The following FGF14 variants were observed in gnomAD, a reference collection of about 807,000 sequenced individuals.
FGF14 encodes the protein fibroblast growth factor homologous factor 4.
A neutral mutation model predicts 25.5 loss-of-function variants in FGF14; 5 were observed. That is an observed-to-expected ratio of 0.20 (90% CI 0.10 to 0.41). The LOEUF (loss-of-function observed/expected upper bound fraction) is 0.41, where lower values mean the gene tolerates loss of function less well. FGF14 is among the 10% of genes least tolerant of loss of function. The pLI, the probability that FGF14 is intolerant of heterozygous loss-of-function variation, is 1.00. For missense variants in FGF14, 222 were observed against 320.1 expected, an observed-to-expected ratio of 0.69 and a Z score of 2.34; for synonymous variants, 138 against 118.3, an observed-to-expected ratio of 1.17 and a Z score of -1.08.
intron 1 of FGF14, among the ~76,000 whole-genome samples, chr13:101,908,817 A>G (rs1357164822): frequency 6.6e-6 from 1 of 152,252 alleles, no homozygotes; most frequent in African/African-American, 2.4e-5. Context: ...AGCTGGAGGC[A>G]TCATGCTACC....
intron 1 of FGF14, among the ~76,000 whole-genome samples, chr13:102,345,704 C>T (rs573233977): frequency 3.1e-4 from 47 of 152,344 alleles, no homozygotes; most frequent in Admixed American, 9.2e-4. Context: ...GTTTACTAAA[C>T]ATGTATTAGA....
At chr13:102,210,664 C>T (rs1333319024) in intron 1 of FGF14, among the ~76,000 whole-genome samples, 4 of 152,042 alleles carry the variant, frequency 2.6e-5, no homozygotes, top group Non-Finnish European at 5.9e-5. Context: ...GAAACTATTG[C>T]CTATCCAGAA....
intron 1 of FGF14, among the ~76,000 whole-genome samples, chr13:101,964,242 T>TTA (rs2037045993): frequency 6.7e-6 from 1 of 150,140 alleles, no homozygotes; most frequent in African/African-American, 2.4e-5. Context: ...CAATGACTTT[T>TTA]TAGTTGTAAA....
intron 1 of FGF14, among the ~76,000 whole-genome samples, chr13:102,333,420 A>G (rs1263227799): frequency 6.6e-6 from 1 of 152,184 alleles, no homozygotes; most frequent in Non-Finnish European, 1.5e-5. Flanking sequence ...TCAACTTGTT[A>G]TTTGAAGATC....
intron 1 of FGF14, among the ~76,000 whole-genome samples, chr13:102,237,211 T>C (rs1462968171): frequency 6.6e-6 from 1 of 152,150 alleles, no homozygotes; most frequent in Non-Finnish European, 1.5e-5. Flanking sequence ...CCCACACACA[T>C]TTGCCGACAT....
intron 1 of FGF14, among the ~76,000 whole-genome samples, chr13:102,053,862 GT>G (rs1345757680): frequency 6.6e-6 from 1 of 152,006 alleles, no homozygotes; most frequent in African/African-American, 2.4e-5. Context: ...TGTTTCTTTT[GT>G]TTTTACTGAA....
At position 101,925,629 on chromosome 13, in the gene FGF14, C is replaced by T. The variant is rs1566445753; in HGVS notation, c.209-50333G>A. Among the ~76,000 whole-genome samples the T allele has an allele frequency of 2.6e-5, 4 of 152,250 alleles. No homozygotes were observed. In the South Asian group the frequency reaches 8.3e-4, roughly 32 times the overall value. ...GAAATGTTATAATTTTAAATTAATG[C>T]CTTATTCCTGAGCCTAGTTTCTACT... On this transcript the variant is annotated intron_variant, in intron 1 of 4. Coordinates refer to the FGF14 transcript ENST00000376131.
chr13:102,285,881 C>T (rs2054070106), intron 1 of FGF14, among the ~76,000 whole-genome samples: 1 of 152,082 alleles, frequency 6.6e-6, no homozygotes, highest in East Asian at 1.9e-4. Flanking sequence ...TACTTCAAGG[C>T]AAAGGGTTGC....
At chr13:102,284,963 C>T (rs2141232727) in intron 1 of FGF14, among the ~76,000 whole-genome samples, 1 of 152,086 alleles carries the variant, frequency 6.6e-6, no homozygotes, top group Non-Finnish European at 1.5e-5. Context: ...TTCTCTTTCT[C>T]ACCACTTTGA....
At chr13:102,157,699 TTAAAC>T (rs1180491302) in intron 1 of FGF14, among the ~76,000 whole-genome samples, 1 of 151,060 alleles carries the variant, frequency 6.6e-6, no homozygotes, top group Non-Finnish European at 1.5e-5. Flanking sequence ...AGCAAAAAAA[TTAAAC>T]TAAAGAGCTT....
chr13:101,918,046 G>T (rs1306999574), upstream of FGF14, among the ~76,000 whole-genome samples: 3 of 152,124 alleles, frequency 2.0e-5, no homozygotes, highest in Non-Finnish European at 2.9e-5. Context: ...CTCTGTCAGG[G>T]AGCAAAGCCA....
intron 1 of FGF14, among the ~76,000 whole-genome samples, chr13:102,340,729 G>C (rs953764590): frequency 3.3e-5 from 5 of 152,012 alleles, no homozygotes; most frequent in African/African-American, 1.2e-4. Context: ...AAATGCAAAG[G>C]GCTTCTTATT....
At chr13:101,820,120 C>T (rs910740402) in intron 3 of FGF14, among the ~76,000 whole-genome samples, 3 of 151,882 alleles carry the variant, frequency 2.0e-5, no homozygotes, top group African/African-American at 7.3e-5. Flanking sequence ...TCATTGGCCC[C>T]AAAGGATATA....
intron 1 of FGF14, among the ~76,000 whole-genome samples, chr13:102,350,067 T>C (rs777423933): frequency 1.3e-5 from 2 of 152,224 alleles, no homozygotes; most frequent in Non-Finnish European, 2.9e-5. Flanking sequence ...CACACACTTG[T>C]GAAAACATTC....
In FGF14 at chr13:101,715,371, C is replaced by T; in HGVS notation, c.*7460G>A. On this transcript the variant is annotated 3_prime_UTR_variant, in exon 5 of 5. Coordinates refer to ENST00000376143, the MANE Select transcript of FGF14 (RefSeq NM_004115.4). Reference sequence around the variant, plus strand: ...GTAAAGGGTGGCACCAAATAAATGCCACTAATTGTTTGAAAGATTAGATGT... The same window carrying T: ...GTAAAGGGTGGCACCAAATAAATGCTACTAATTGTTTGAAAGATTAGATGT... The T allele has an allele frequency of 1.7e-6, 1 of 574,246 alleles. No homozygotes were observed. The highest frequency in any genetic ancestry group is 2.1e-5 in the South Asian group (1 of 47,122). 35.6% of individuals were successfully genotyped at this position (574,246 alleles called of 1,614,324 possible).
chr13:101,852,856 G>A (rs1021248653), intron 3 of FGF14, among the ~76,000 whole-genome samples: 1 of 152,052 alleles, frequency 6.6e-6, no homozygotes, highest in Non-Finnish European at 1.5e-5. Context: ...TGGTGTCCTT[G>A]ATTATATTCA....
At position 102,161,570 on chromosome 13, in the gene FGF14, A is replaced by AAGAAGAAGAAGAAGAAGAAGAAGAAG; in HGVS notation, c.208+239900_208+239901insCTTCTTCTTCTTCTTCTTCTTCTTCT. On this transcript the variant is annotated intron_variant, in intron 1 of 4. Coordinates refer to the FGF14 transcript ENST00000376131. ...TCTATGCAACCAACTTTCTGTGAAG[A>AAGAAGAAGAAGAAGAAGAAGAAGAAG]AAGAAAGAAGAAGAAGAAGAAGAAG... 2.1e-3 allele frequency among the ~76,000 whole-genome samples: 12 copies of AAGAAGAAGAAGAAGAAGAAGAAGAAG among 5,656 alleles called. 1 individual carries two copies. The South Asian group carries it at 0.023, about 11-fold the overall frequency. 3.7% of individuals were successfully genotyped at this position (5,656 alleles called of 152,430 possible).
intron 1 of FGF14, among the ~76,000 whole-genome samples, chr13:102,283,247 T>C (rs1435628540): frequency 6.6e-6 from 1 of 152,204 alleles, no homozygotes; most frequent in African/African-American, 2.4e-5. Context: ...TATGGCTTGA[T>C]CACATGATCA....
At chr13:102,009,422 C>A (rs1274547821) in intron 1 of FGF14, among the ~76,000 whole-genome samples, 1 of 151,990 alleles carries the variant, frequency 6.6e-6, no homozygotes, top group South Asian at 2.1e-4. Context: ...ATCAGTTTGA[C>A]GTGCATGAGT....
Sources: allele counts gnomAD v4.1 joint callset (sites outside exome capture counted in the v4.1 genomes callset), GRCh38; gene constraint gnomAD v4.1.1; transcripts MANE v1.5; gene names NCBI Gene and HGNC (gene_info 2026-07-23, HGNC 2026-07-21).